Variants in P3H2 observed in about 807,000 individuals in gnomAD.
P3H2 encodes prolyl 3-hydroxylase 2, also known as leprecan-like 1.
A neutral mutation model predicts 87.0 loss-of-function variants in P3H2; 80 were observed. The observed-to-expected ratio is 0.92, with a 90% CI of 0.77 to 1.11. The LOEUF (loss-of-function observed/expected upper bound fraction) is 1.11. P3H2 is among the 50% of genes least tolerant of loss of function. The pLI is 0.00. For synonymous variants in P3H2, 367 were observed against 359.3 expected (o/e 1.02, Z -0.24); for missense variants, 1,001 against 923.9 (o/e 1.08, Z -1.08).
intron 1 of P3H2, 93 bp from the exon 2 acceptor site, chr3:189,995,535 A>G: frequency 7.4e-7 from 1 of 1,358,658 alleles, no homozygotes; most frequent in Non-Finnish European, 1.0e-6. Flanking sequence ...TCACAGTTTA[A>G]GAATGAAACT....
At chr3:190,117,464 G>C (rs1355920797) in intron 1 of P3H2, among the ~76,000 whole-genome samples, 1 of 152,058 alleles carries the variant, frequency 6.6e-6, no homozygotes, top group Non-Finnish European at 1.5e-5. Context: ...ATTTGATCTA[G>C]TCCAGGATTA....
At chr3:190,029,592 C>G (rs1420135460) in intron 1 of P3H2, among the ~76,000 whole-genome samples, 1 of 151,968 alleles carries the variant, frequency 6.6e-6, no homozygotes, top group South Asian at 2.1e-4. Context: ...AATATTAAAG[C>G]AATCTTTATC....
chr3:190,046,102 G>A lies in P3H2; in HGVS notation c.481-50660C>T, dbSNP rs953306754. ...CGCACCACTGCACTCCCGCCTGGGCGACAGAGCAAGACTCCATCTCAAAAA... is the reference window on the plus strand; with the variant it reads ...CGCACCACTGCACTCCCGCCTGGGCAACAGAGCAAGACTCCATCTCAAAAA... On this transcript the variant is annotated intron_variant, in intron 1 of 14. Coordinates refer to ENST00000319332, the MANE Select transcript of P3H2 (RefSeq NM_018192.4). 4.8e-5 allele frequency among the ~76,000 whole-genome samples: 7 copies of A among 145,336 alleles called. No homozygotes were observed. In the East Asian group the frequency reaches 8.2e-4, roughly 17 times the overall value.
intron 1 of P3H2, among the ~76,000 whole-genome samples, chr3:190,010,540 G>A (rs1010873566): frequency 6.6e-6 from 1 of 151,382 alleles, no homozygotes; most frequent in African/African-American, 2.5e-5. Context: ...GACACCAGGA[G>A]AACGAGCACA....
At chr3:190,074,219 A>G (rs1726794778) in intron 1 of P3H2, among the ~76,000 whole-genome samples, 2 of 152,166 alleles carry the variant, frequency 1.3e-5, no homozygotes, top group Admixed American at 6.6e-5. Flanking sequence ...CTAGAATACT[A>G]TGATTCTTGG....
chr3:190,088,698 A>C (rs1727308171), intron 1 of P3H2, among the ~76,000 whole-genome samples: 1 of 152,204 alleles, frequency 6.6e-6, no homozygotes, highest in African/African-American at 2.4e-5. Context: ...TGAGAATGTC[A>C]AAGATTGAAA....
intron 1 of P3H2, among the ~76,000 whole-genome samples, chr3:190,119,272 A>G (rs1260172122): frequency 2.0e-5 from 3 of 151,556 alleles, no homozygotes; most frequent in Non-Finnish European, 4.4e-5. Context: ...TCCATTGGCT[A>G]GCATGAACAA....
chr3:190,033,641 C>T (rs946055096), intron 1 of P3H2, among the ~76,000 whole-genome samples: 5 of 152,280 alleles, frequency 3.3e-5, no homozygotes, highest in East Asian at 1.9e-4. Context: ...GCAAACCATA[C>T]GGCCTTCATT....
intron 1 of P3H2, among the ~76,000 whole-genome samples, chr3:190,008,145 GTTC>G (rs910720214): frequency 7.2e-5 from 11 of 151,844 alleles, no homozygotes; most frequent in Non-Finnish European, 1.6e-4. Context: ...AGTGAAAAGT[GTTC>G]TTCTCAGGGT....
intron 1 of P3H2, among the ~76,000 whole-genome samples, chr3:190,074,199 G>T (rs1167982557): frequency 6.6e-6 from 1 of 152,112 alleles, no homozygotes; most frequent in Non-Finnish European, 1.5e-5. Context: ...CAAAAATTGT[G>T]AATTTAAATC....
Position 190,106,545 on chromosome 3 carries a change from CT to C in P3H2, c.480+13706del, listed in dbSNP as rs11440420. 4.5e-3 allele frequency among the ~76,000 whole-genome samples: 654 copies of C among 146,456 alleles called. 2 individuals are homozygous for C. Among genetic ancestry groups the C allele is most frequent in the African/African-American group, 0.011 (423 of 40,102 alleles). On this transcript the variant is annotated intron_variant, in intron 1 of 14. Coordinates refer to ENST00000319332, the MANE Select transcript of P3H2 (RefSeq NM_018192.4). Reference sequence around the variant, plus strand: ...TAGAAACTATGAGGCAAGGAACAATCTTTTTTTTTTTTAACTTCTCACAAGT... The same window carrying C: ...TAGAAACTATGAGGCAAGGAACAATCTTTTTTTTTTTAACTTCTCACAAGT...
chr3:190,096,100 G>A (rs1319437538), intron 1 of P3H2, among the ~76,000 whole-genome samples: 1 of 152,136 alleles, frequency 6.6e-6, no homozygotes, highest in African/African-American at 2.4e-5. Context: ...CGTGTACACA[G>A]AGCACAAACA....
intron 1 of P3H2, among the ~76,000 whole-genome samples, chr3:190,001,534 A>G (rs1035745871): frequency 1.3e-5 from 2 of 152,194 alleles, no homozygotes; most frequent in Non-Finnish European, 2.9e-5. Flanking sequence ...TAAATTTCAC[A>G]ATATAGTAAC....
At chr3:190,020,911 T>G (rs1183922170) in intron 1 of P3H2, among the ~76,000 whole-genome samples, 1 of 134,608 alleles carries the variant, frequency 7.4e-6, no homozygotes, top group African/African-American at 2.6e-5. Context: ...GCTGGATGGC[T>G]ATGGAACTGC....
At chr3:190,045,897 A>ATG (rs1725784217) in intron 1 of P3H2, among the ~76,000 whole-genome samples, 2 of 152,228 alleles carry the variant, frequency 1.3e-5, no homozygotes, top group Admixed American at 1.3e-4. Context: ...CAAGGTGGGC[A>ATG]GATCACGAGG....
chr3:190,038,234 TAAAA>T (rs140978961), intron 1 of P3H2, among the ~76,000 whole-genome samples: 330 of 132,174 alleles, frequency 2.5e-3, no homozygotes, highest in Middle Eastern at 4.0e-3. Flanking sequence ...AGACTAGGTT[TAAAA>T]AAAAAAAAAA....
At chr3:190,026,202 A>G (rs1327400278) in intron 1 of P3H2, among the ~76,000 whole-genome samples, 1 of 152,102 alleles carries the variant, frequency 6.6e-6, no homozygotes, top group Non-Finnish European at 1.5e-5. Flanking sequence ...TGTTTACTTA[A>G]AAGTCAAATT....
intron 1 of P3H2, among the ~76,000 whole-genome samples, chr3:190,049,203 G>A (rs983192162): frequency 2.0e-5 from 3 of 152,168 alleles, no homozygotes; most frequent in African/African-American, 4.8e-5. Context: ...GATCAGGATC[G>A]GGGAGTGTTT....
At chr3:189,982,296 TG>T (rs1723561991) in intron 8 of P3H2, among the ~76,000 whole-genome samples, 1 of 152,156 alleles carries the variant, frequency 6.6e-6, no homozygotes, top group Non-Finnish European at 1.5e-5. Context: ...GCAAATAAAT[TG>T]TGTGCAAATT....
Sources: gnomAD v4.1 joint callset for allele counts (sites outside exome capture counted in the v4.1 genomes callset) on GRCh38, gnomAD v4.1.1 for gene constraint, MANE v1.5 for transcripts, NCBI Gene and HGNC (gene_info 2026-07-23, HGNC 2026-07-21) for gene names.